Variants in ABCA13 observed in about 807,000 individuals in gnomAD.
ABCA13 encodes the protein ATP binding cassette subfamily A member 13.
ABCA13 carries 476 observed loss-of-function variants against 478.7 expected under a neutral mutation model. The observed-to-expected ratio is 0.99, with a 90% CI of 0.92 to 1.07. The LOEUF is 1.07. ABCA13 is among the 50% of genes least tolerant of loss of function. The pLI is 0.00. For synonymous variants in ABCA13, 2,252 were observed against 2,158.9 expected, an observed-to-expected ratio of 1.04 and a Z score of -1.20; for missense variants, 6,060 against 5,910.6, an observed-to-expected ratio of 1.03 and a Z score of -0.83.
chr7:48,448,340 G>A (rs1383151488), intron 42 of ABCA13, among the ~76,000 whole-genome samples: 1 of 152,220 alleles, frequency 6.6e-6, no homozygotes, highest in African/African-American at 2.4e-5. Context: ...TGACCAGGTA[G>A]TATAAGCCCT....
chr7:48,325,085 C>G (rs148871979), intron 27 of ABCA13, among the ~76,000 whole-genome samples: 95 of 152,312 alleles, frequency 6.2e-4, no homozygotes, highest in African/African-American at 1.9e-3. Context: ...AGTTTGCTCT[C>G]AAGTTACTGA....
At chr7:48,280,271 G>C (rs371435894) in intron 18 of ABCA13, among the ~76,000 whole-genome samples, 4 of 152,178 alleles carry the variant, frequency 2.6e-5, no homozygotes, top group East Asian at 3.8e-4. Context: ...CTATGACTCA[G>C]TATACACACA....
chr7:48,347,405 C>T (rs1808284920), intron 29 of ABCA13, among the ~76,000 whole-genome samples: 1 of 152,224 alleles, frequency 6.6e-6, no homozygotes, highest in Admixed American at 6.5e-5. Flanking sequence ...CCACCCTCCT[C>T]CCTGGGTGGA....
At chr7:48,371,941 T>G (rs1812695711) in intron 32 of ABCA13, among the ~76,000 whole-genome samples, 1 of 152,134 alleles carries the variant, frequency 6.6e-6, no homozygotes, top group Non-Finnish European at 1.5e-5. Flanking sequence ...TGAATGGCTC[T>G]TTTATAAAAA....
chr7:48,275,605 T>C lies in ABCA13; in HGVS notation c.5939T>C (p.Leu1980Ser), dbSNP rs139288391. 1.4e-4 allele frequency: 226 copies of C among 1,611,216 alleles called. 1 individual carries two copies. In the African/African-American group the frequency reaches 2.9e-3, roughly 20 times the overall value. The change falls in exon 17 of 62, where the codon TTA becomes TCA. Residue 1980 changes from leucine to serine, a missense_variant. Leu to Ser is a moderately radical substitution (Grantham distance 145). Coordinates refer to ENST00000435803, the MANE Select transcript of ABCA13 (RefSeq NM_152701.5). ...GENILDKLSSLNKILNINEDT... is the reference protein window; with the variant it reads ...GENILDKLSSSNKILNINEDT... ...AATATTCTTGACAAACTAAGTAGTT[T>C]AAACAAGATCCTTAACATTAATGAA...
At chr7:48,573,000 A>T (rs1024195751) in intron 55 of ABCA13, among the ~76,000 whole-genome samples, 1 of 152,032 alleles carries the variant, frequency 6.6e-6, no homozygotes, top group South Asian at 2.1e-4. Flanking sequence ...TTCCATTTCT[A>T]TGCAGAAATT....
At chr7:48,478,295 A>T (rs1180795805) in intron 45 of ABCA13, among the ~76,000 whole-genome samples, 1 of 138,162 alleles carries the variant, frequency 7.2e-6, no homozygotes, top group East Asian at 2.1e-4. Context: ...ATATCATTTT[A>T]TATATATATA....
chr7:48,376,441 G>A lies in ABCA13; in HGVS notation c.11204G>A (p.Gly3735Glu). The change falls in exon 35 of 62, where the codon GGG (glycine) becomes GAG (glutamate). Residue 3735 changes from glycine to glutamate, a missense_variant and splice_region_variant. Transcript: ENST00000435803. ...ACTCTGACCTTTTTCTTCCTGCTAG[G>A]GATTCAATGGAATAATATGTACCAG... is the stretch of plus-strand genomic sequence containing the variant. ...FITFLEGQET[G>E]IQWNNMYQAL... The A allele has an allele frequency of 1.2e-6, 2 of 1,612,956 alleles. No homozygotes were observed. The highest frequency in any genetic ancestry group is 1.7e-6 in the Non-Finnish European group (2 of 1,179,552).
chr7:48,171,779 G>T (rs533981322), intron 1 of ABCA13, among the ~76,000 whole-genome samples: 3 of 152,186 alleles, frequency 2.0e-5, no homozygotes, highest in Non-Finnish European at 2.9e-5. Flanking sequence ...TCAGAAAAGG[G>T]CAAATTTAGA....
At chr7:48,177,464 C>T (rs370375672) in intron 1 of ABCA13, among the ~76,000 whole-genome samples, 5 of 152,336 alleles carry the variant, frequency 3.3e-5, no homozygotes, top group East Asian at 1.9e-4. Flanking sequence ...TTCTGCTCCA[C>T]TTCTCAGCAG....
At chr7:48,415,638 A>C (rs542578038) in intron 41 of ABCA13, among the ~76,000 whole-genome samples, 1 of 152,348 alleles carries the variant, frequency 6.6e-6, no homozygotes, top group African/African-American at 2.4e-5. Context: ...GTTGTTAACA[A>C]AAGAGAAATC....
intron 59 of ABCA13, among the ~76,000 whole-genome samples, chr7:48,637,381 C>CAAAAAAAAAAAAAAAAAAAAAAAAA (rs1156643955): frequency 3.0e-4 from 6 of 20,258 alleles, no homozygotes; most frequent in East Asian, 1.7e-3. Flanking sequence ...GTTCATAAAG[C>CAAAAAAAAAAAAAAAAAAAAAAAAA]AAAAAAAAAA....
Position 48,261,413 on chromosome 7 carries a change from T to C in ABCA13, c.2006-7567T>C, listed in dbSNP as rs560865881. Among the ~76,000 whole-genome samples the C allele has an allele frequency of 2.0e-5, 3 of 152,054 alleles. No homozygotes were observed. The East Asian group carries it at 5.8e-4, about 29-fold the overall frequency. The stretch of plus-strand genomic sequence containing the variant: ...CTTAAGTTAGTGTGATACTTAAAAA[T>C]AAACATTTTGGAAAATGTTTTTGGA... On this transcript the variant is annotated intron_variant, in intron 15 of 61. Coordinates refer to ENST00000435803, the MANE Select transcript of ABCA13 (RefSeq NM_152701.5).
At chr7:48,554,611 T>C (rs1382678177) in intron 55 of ABCA13, among the ~76,000 whole-genome samples, 1 of 151,778 alleles carries the variant, frequency 6.6e-6, no homozygotes, top group Non-Finnish European at 1.5e-5. Flanking sequence ...ACTTTCTTGA[T>C]TTCTTTTTCA....
chr7:48,314,247 C>T lies in ABCA13; in HGVS notation c.9697C>T (p.Gln3233Ter), dbSNP rs1272632844. The change falls in exon 26 of 62, where the codon CAG becomes TAG. Residue 3233 changes from glutamine (Q) to a stop codon, truncating the protein, a stop_gained. Coordinates refer to ENST00000435803, the MANE Select transcript of ABCA13 (RefSeq NM_152701.5). LOFTEE classifies it high-confidence loss of function. The part of the protein sequence containing the change: ...LDFQQVSQNV[Q>*]ARSSAFGSFQ... ...ATTTTCTCAGGTTTCACAAAATGTC[C>T]AGGCCAGAAGTTCAGCTTTTGGTTC... 1.2e-6 allele frequency: 2 copies of T among 1,611,188 alleles called. No homozygotes were observed. Among genetic ancestry groups the T allele is most frequent in the African/African-American group, 2.7e-5 (2 of 74,738 alleles).
chr7:48,246,487 G>C (rs959491722), intron 13 of ABCA13, among the ~76,000 whole-genome samples: 1 of 152,102 alleles, frequency 6.6e-6, no homozygotes, highest in Non-Finnish European at 1.5e-5. Context: ...GCAGAATGTT[G>C]AACGATTTGT....
chr7:48,510,497 A>T (rs1179896655), intron 50 of ABCA13, among the ~76,000 whole-genome samples: 1 of 152,206 alleles, frequency 6.6e-6, no homozygotes, highest in Non-Finnish European at 1.5e-5. Flanking sequence ...GCTGTGTTTC[A>T]TGAAAGCTGA....
intron 55 of ABCA13, among the ~76,000 whole-genome samples, chr7:48,550,790 G>A (rs1785246728): frequency 6.6e-6 from 1 of 151,040 alleles, no homozygotes; most frequent in Non-Finnish European, 1.5e-5. Context: ...TGGCAGACCT[G>A]CACAGGTCAT....
At chr7:48,342,041 A>C (rs1270470086) in intron 29 of ABCA13, among the ~76,000 whole-genome samples, 1 of 151,122 alleles carries the variant, frequency 6.6e-6, no homozygotes, top group Non-Finnish European at 1.5e-5. Context: ...CATTCAGTTA[A>C]GCATATTTTA....
Sources: allele counts gnomAD v4.1 joint callset (sites outside exome capture counted in the v4.1 genomes callset), GRCh38; gene constraint gnomAD v4.1.1; transcripts MANE v1.5; gene names NCBI Gene and HGNC (gene_info 2026-07-23, HGNC 2026-07-21).